CNBD1: variants seen among roughly 807,000 people sequenced by gnomAD.
CNBD1 encodes the protein cyclic nucleotide-binding domain-containing protein 1.
In CNBD1, 71 loss-of-function variants were observed where a neutral mutation model predicts 54.4. The observed-to-expected ratio is 1.30, with a 90% CI of 1.08 to 1.59. The LOEUF is 1.59. Ranked by LOEUF, CNBD1 falls within the 40% of genes most tolerant of loss-of-function variation. The pLI is 0.00. For missense variants in CNBD1, 659 were observed against 518.0 expected, an observed-to-expected ratio of 1.27 and a Z score of -2.64; for synonymous variants, 182 against 170.7, an observed-to-expected ratio of 1.07 and a Z score of -0.51.
chr8:86,884,453 A>C (rs1326475082), intron 1 of CNBD1, among the ~76,000 whole-genome samples: 2 of 152,126 alleles, frequency 1.3e-5, no homozygotes, highest in African/African-American at 2.4e-5. Context: ...TTTAAAGAAA[A>C]ATTACCTTTG....
intron 2 of CNBD1, among the ~76,000 whole-genome samples, chr8:87,404,688 G>A (rs776052574): frequency 6.6e-6 from 1 of 152,028 alleles, no homozygotes. Flanking sequence ...TTTGGGTTTA[G>A]CTGCTTGTAT....
At chr8:87,383,256 T>A (rs1319964956), downstream of CNBD1, among the ~76,000 whole-genome samples, 1 of 152,110 alleles carries the variant, frequency 6.6e-6, no homozygotes, top group Non-Finnish European at 1.5e-5. Context: ...TTTCAGAAGT[T>A]ATTACACATG....
intron 4 of CNBD1, among the ~76,000 whole-genome samples, chr8:87,094,963 T>C (rs889236771): frequency 6.6e-6 from 1 of 152,164 alleles, no homozygotes; most frequent in African/African-American, 2.4e-5. Context: ...CGCTTGAACC[T>C]GGGAGGCAGA....
At chr8:87,360,530 A>T (rs2130936093) in intron 10 of CNBD1, among the ~76,000 whole-genome samples, 1 of 152,004 alleles carries the variant, frequency 6.6e-6, no homozygotes, top group Middle Eastern at 3.4e-3. Context: ...CTTTGTCCAG[A>T]TGCAGAGCTT....
chr8:87,312,282 A>T (rs10086526), intron 8 of CNBD1, among the ~76,000 whole-genome samples: 42,579 of 151,778 alleles, frequency 0.28, 6,637 homozygotes, highest in Middle Eastern at 0.41. Context: ...CAATGCTTTC[A>T]TTTTAACCTT....
intron 8 of CNBD1, among the ~76,000 whole-genome samples, chr8:87,323,750 A>G (rs1809596680): frequency 7.7e-6 from 1 of 129,096 alleles, no homozygotes; most frequent in African/African-American, 2.9e-5. Flanking sequence ...ATCTGCAAAC[A>G]GGGACAATTT....
intron 4 of CNBD1, among the ~76,000 whole-genome samples, chr8:87,099,730 T>C (rs1811391619): frequency 6.6e-6 from 1 of 152,224 alleles, no homozygotes; most frequent in African/African-American, 2.4e-5. Flanking sequence ...AACATGTTTG[T>C]ATGATATAAG....
chr8:86,914,467 C>T (rs892303004), intron 3 of CNBD1, among the ~76,000 whole-genome samples: 1 of 152,142 alleles, frequency 6.6e-6, no homozygotes, highest in Non-Finnish European at 1.5e-5. Context: ...CAGGCTATAC[C>T]ATTTATGTTT....
chr8:87,340,979 G>C (rs376804264), intron 8 of CNBD1, among the ~76,000 whole-genome samples: 34 of 151,644 alleles, frequency 2.2e-4, no homozygotes, highest in African/African-American at 8.0e-4. Flanking sequence ...GTTAGTATCT[G>C]CGTATTTGAA....
At chr8:87,235,910 C>T (rs1408680841) in intron 5 of CNBD1, among the ~76,000 whole-genome samples, 3 of 152,060 alleles carry the variant, frequency 2.0e-5, no homozygotes, top group Admixed American at 6.6e-5. Context: ...TAAGCTCAGA[C>T]ATCCAAGCAA....
Position 86,935,005 on chromosome 8 carries a change from GTTTGTTTGTTTGTTTA to G in CNBD1, c.273-4587_273-4572del, listed in dbSNP as rs1169559109. 2.1e-5 allele frequency among the ~76,000 whole-genome samples: 3 copies of G among 142,000 alleles called. No individual in the cohort carries two copies. In the South Asian group the frequency reaches 6.6e-4, roughly 31 times the overall value. 93.2% of individuals were successfully genotyped at this position (142,000 alleles called of 152,430 possible). ...TTTGTATTTTTCTGGAAGCATTTGG[GTTTGTTTGTTTGTTTA>G]TTTATTTATTTATTTATTTATTTAT... On this transcript the variant is annotated intron_variant, in intron 3 of 10. Transcript: ENST00000518476.
rs534661627 is a variant in CNBD1, at chr8:87,403,978, T to G, written c.214-24568T>G. Reference sequence around the variant, plus strand: ...AACCATGATTTATTGGTAAGATGTTTCTTTTAGTTTACACTTCAGATGTCC... The same window carrying G: ...AACCATGATTTATTGGTAAGATGTTGCTTTTAGTTTACACTTCAGATGTCC... On this transcript the variant is annotated intron_variant, in intron 2 of 7. Coordinates refer to the CNBD1 transcript ENST00000521593. Among the ~76,000 whole-genome samples, 3 of 152,170 alleles carry G rather than the reference T, an allele frequency of 2.0e-5. No individual in the cohort carries two copies. The East Asian group carries it at 5.8e-4, about 29-fold the overall frequency.
rs1353293101 is a variant in CNBD1, at chr8:86,969,793, T to TATAC, written c.431+30040_431+30041insTACA. ...AGGACTAGTGTTTTATATATATATA[T>TATAC]ACACACACACACACACACACACACA... On this transcript the variant is annotated intron_variant, in intron 4 of 10. Transcript: ENST00000518476. 2.9e-3 allele frequency among the ~76,000 whole-genome samples: 417 copies of TATAC among 144,518 alleles called. 2 individuals carry two copies. Among genetic ancestry groups the TATAC allele is most frequent in the East Asian group, 0.012 (56 of 4,850 alleles). 94.8% of individuals were successfully genotyped at this position (144,518 alleles called of 152,430 possible).
intron 1 of CNBD1, among the ~76,000 whole-genome samples, chr8:86,879,801 G>A (rs1808576682): frequency 6.6e-6 from 1 of 152,080 alleles, no homozygotes; most frequent in Non-Finnish European, 1.5e-5. Context: ...TAACCCAGGA[G>A]GCGGAGGTTG....
At chr8:87,364,913 T>A (rs1810610723) in intron 10 of CNBD1, among the ~76,000 whole-genome samples, 1 of 152,130 alleles carries the variant, frequency 6.6e-6, no homozygotes, top group South Asian at 2.1e-4. Flanking sequence ...TTAGGTTGAT[T>A]CCATGTCTTT....
intron 4 of CNBD1, among the ~76,000 whole-genome samples, chr8:87,035,044 A>G (rs986934428): frequency 6.6e-6 from 1 of 152,016 alleles, no homozygotes; most frequent in African/African-American, 2.4e-5. Context: ...TTGGAAGGGG[A>G]GTTGTCATAA....
At chr8:87,041,670 G>A (rs1031291790) in intron 4 of CNBD1, among the ~76,000 whole-genome samples, 3 of 152,116 alleles carry the variant, frequency 2.0e-5, no homozygotes, top group African/African-American at 7.2e-5. Context: ...ATGGTGGTGG[G>A]TGCCTGTAGT....
At chr8:87,141,534 C>G (rs181120047) in intron 4 of CNBD1, among the ~76,000 whole-genome samples, 4 of 152,178 alleles carry the variant, frequency 2.6e-5, no homozygotes, top group Non-Finnish European at 4.4e-5. Flanking sequence ...GTTTTTCCAA[C>G]CATTTTTAAT....
At position 87,295,971 on chromosome 8, in the gene CNBD1, AT is replaced by A; in HGVS notation, c.1042+9301del. On this transcript the variant is annotated intron_variant, in intron 8 of 10. Coordinates refer to ENST00000518476, the MANE Select transcript of CNBD1 (RefSeq NM_173538.3). ...AGAACTTTTAAAAATGCGAACTCTTATGTTTCGCTATGAATATTATTTATAA... is the reference window on the plus strand; with the variant it reads ...AGAACTTTTAAAAATGCGAACTCTTAGTTTCGCTATGAATATTATTTATAA... Among the ~76,000 whole-genome samples the A allele has an allele frequency of 1.3e-5, 2 of 152,188 alleles. 1 individual carries two copies. Among genetic ancestry groups the A allele is most frequent in the South Asian group, 4.1e-4 (2 of 4,832 alleles).
Sources: allele counts gnomAD v4.1 joint callset (sites outside exome capture counted in the v4.1 genomes callset), GRCh38; gene constraint gnomAD v4.1.1; transcripts MANE v1.5; gene names NCBI Gene and HGNC (gene_info 2026-07-23, HGNC 2026-07-21).